The following AIG1 variants were observed in gnomAD, a reference collection of about 807,000 sequenced individuals.
AIG1 encodes androgen-induced gene 1 protein.
Under a neutral mutation model 31.4 loss-of-function variants are expected in AIG1, and 23 were observed. The observed-to-expected ratio is 0.73, with a 90% CI of 0.53 to 1.04. AIG1 has a LOEUF of 1.04. AIG1 is among the 50% of genes least tolerant of loss of function. The pLI, the probability that AIG1 is intolerant of heterozygous loss-of-function variation, is 0.00. For synonymous variants in AIG1, 100 were observed against 110.5 expected (o/e 0.90, Z 0.60); for missense variants, 274 against 295.0 (o/e 0.93, Z 0.52).
At chr6:143,223,999 G>A (rs958437005) in intron 3 of AIG1, among the ~76,000 whole-genome samples, 9 of 151,968 alleles carry the variant, frequency 5.9e-5, no homozygotes, top group Admixed American at 2.0e-4. Context: ...TCCTCCTCCC[G>A]AACGTCTCCT....
At chr6:143,094,397 A>G (rs938163055) in intron 1 of AIG1, 8 of 152,206 alleles carry the variant, frequency 5.3e-5, no homozygotes, top group African/African-American at 1.7e-4. Flanking sequence ...GATGTAATAT[A>G]CACAAATAAA....
chr6:143,278,973 A>G (rs1299510942), intron 3 of AIG1, among the ~76,000 whole-genome samples: 1 of 152,092 alleles, frequency 6.6e-6, no homozygotes, highest in Non-Finnish European at 1.5e-5. Flanking sequence ...TTTAAGAAAA[A>G]TGTGAGTGAA....
chr6:143,091,893 A>G (rs1191340074), intron 1 of AIG1, among the ~76,000 whole-genome samples: 1 of 152,188 alleles, frequency 6.6e-6, no homozygotes, highest in Non-Finnish European at 1.5e-5. Flanking sequence ...CCTCTATAAA[A>G]TAGTAAATTC....
chr6:143,128,837 T>C (rs1484335643), intron 1 of AIG1, among the ~76,000 whole-genome samples: 2 of 152,232 alleles, frequency 1.3e-5, no homozygotes, highest in African/African-American at 4.8e-5. Flanking sequence ...AAACTGCTTC[T>C]TAAATAAGCA....
At chr6:143,158,976 A>T (rs967943436) in intron 2 of AIG1, among the ~76,000 whole-genome samples, 3 of 152,232 alleles carry the variant, frequency 2.0e-5, no homozygotes, top group Non-Finnish European at 4.4e-5. Flanking sequence ...ACTTTCTCAT[A>T]GAAGAGCCAC....
chr6:143,060,837 G>A (rs1776167003), upstream of AIG1: 2 of 712,846 alleles, frequency 2.8e-6, no homozygotes, highest in African/African-American at 2.6e-5. Context: ...GCCCGCGCCC[G>A]GGTTCCCACG....
intron 1 of AIG1, among the ~76,000 whole-genome samples, chr6:143,064,928 G>A (rs968641995): frequency 6.6e-6 from 1 of 152,216 alleles, no homozygotes; most frequent in East Asian, 1.9e-4. Flanking sequence ...GGGAGATGGG[G>A]AAGGGGTTGC....
At chr6:143,229,670 A>G (rs1482850816) in intron 3 of AIG1, among the ~76,000 whole-genome samples, 2 of 151,332 alleles carry the variant, frequency 1.3e-5, no homozygotes, top group African/African-American at 2.4e-5. Context: ...TACCATCCCC[A>G]CAGACCACAC....
At position 143,326,032 on chromosome 6, in the gene AIG1, C is replaced by T. The variant is rs1776580922; in HGVS notation, c.516-7250C>T. 6.6e-6 allele frequency among the ~76,000 whole-genome samples: 1 copy of T among 152,194 alleles called. No homozygotes were observed. On this transcript the variant is annotated intron_variant, in intron 4 of 5. Coordinates refer to ENST00000357847, the MANE Select transcript of AIG1 (RefSeq NM_016108.4). The surrounding 1 kb of genome is among the most constrained non-coding windows in gnomAD (Gnocchi z 4.5). ...TCTCCAGCACGCCACACTCATGACT[C>T]AACAGTTTGATAGACACTGGTCTAA...
chr6:143,209,290 G>A (rs2128613664), intron 3 of AIG1, among the ~76,000 whole-genome samples: 1 of 152,312 alleles, frequency 6.6e-6, no homozygotes, highest in East Asian at 1.9e-4. Context: ...ATTGTGGTAG[G>A]CAGACTCATG....
At chr6:143,183,083 A>G (rs919964064) in intron 3 of AIG1, among the ~76,000 whole-genome samples, 14 of 152,222 alleles carry the variant, frequency 9.2e-5, no homozygotes, top group Non-Finnish European at 1.6e-4. Context: ...ATTCCAGAAC[A>G]CTGCAGAGCT....
At chr6:143,134,088 C>T (rs1316950322) in intron 1 of AIG1, among the ~76,000 whole-genome samples, 2 of 151,968 alleles carry the variant, frequency 1.3e-5, no homozygotes, top group Non-Finnish European at 2.9e-5. Flanking sequence ...AGAATAAAAA[C>T]CACTCTCTTT....
At chr6:143,251,727 C>T (rs908888394) in intron 3 of AIG1, among the ~76,000 whole-genome samples, 4 of 152,208 alleles carry the variant, frequency 2.6e-5, no homozygotes, top group Non-Finnish European at 5.9e-5. Flanking sequence ...TGCAACTTTT[C>T]TGGCCATTTT....
At position 143,327,473 on chromosome 6, in the gene AIG1, A is replaced by T. The variant is rs1776704101; in HGVS notation, c.516-5809A>T. On this transcript the variant is annotated intron_variant, in intron 4 of 5. Transcript: ENST00000357847. This position sits in a 1 kb window ranked among gnomAD's most constrained non-coding sequence, Gnocchi z 5.3. ...GGGAACTCCAGATTTGCGCATTGAT[A>T]CCAGGCCCAACAAAACTGTCTGGGC... is the stretch of plus-strand genomic sequence containing the variant. 2.5e-6 allele frequency: 1 copy of T among 398,196 alleles called. No individual in the cohort carries two copies. Among genetic ancestry groups the T allele is most frequent in the Non-Finnish European group, 4.8e-6 (1 of 206,526 alleles). 24.7% of individuals were successfully genotyped at this position (398,196 alleles called of 1,614,324 possible).
chr6:143,338,493 A>G lies in AIG1; in HGVS notation c.680-1146A>G, dbSNP rs1777673254. On this transcript the variant is annotated intron_variant, in intron 5 of 5. Transcript: ENST00000357847. The surrounding 1 kb of genome is among the most constrained non-coding windows in gnomAD (Gnocchi z 4.3). ...CACCACTACTCTGACAGCACAAAAC[A>G]TATACCAGGAGCTGGGGTTATGTGG... 1 of 152,674 alleles carries G rather than the reference A, an allele frequency of 6.5e-6. No homozygotes were observed. The highest frequency in any genetic ancestry group is 6.5e-5 in the Admixed American group (1 of 15,298). 9.5% of individuals were successfully genotyped at this position (152,674 alleles called of 1,614,324 possible).
intron 4 of AIG1, among the ~76,000 whole-genome samples, chr6:143,295,985 G>C (rs1798397663): frequency 6.6e-6 from 1 of 152,048 alleles, no homozygotes; most frequent in South Asian, 2.1e-4. Context: ...TTCTAAGATA[G>C]ACTTTAATAA....
Position 143,339,743 on chromosome 6 carries a change from C to T in AIG1, c.*67C>T, listed in dbSNP as rs1777773783. On this transcript the variant is annotated 3_prime_UTR_variant, in exon 6 of 6. Coordinates refer to ENST00000357847, the MANE Select transcript of AIG1 (RefSeq NM_016108.4). ...AAGACTCCTTCCCCTCGGGCATTGG[C>T]AGTGGGGGAGAAAAGGCTTCAAAGG... 2 of 1,559,080 alleles carry T rather than the reference C, an allele frequency of 1.3e-6. No homozygotes were observed. The highest frequency in any genetic ancestry group is 1.8e-6 in the Non-Finnish European group (2 of 1,141,272).
intron 3 of AIG1, among the ~76,000 whole-genome samples, chr6:143,166,203 G>T (rs574688407): frequency 1.3e-5 from 2 of 152,270 alleles, no homozygotes; most frequent in African/African-American, 4.8e-5. Context: ...ACATCTCAGA[G>T]AATTGGATTT....
At chr6:143,155,567 C>A (rs1287680528) in intron 2 of AIG1, among the ~76,000 whole-genome samples, 1 of 151,996 alleles carries the variant, frequency 6.6e-6, no homozygotes. Context: ...GTGTTACAAG[C>A]ACAGTGTTGT....
Sources: gnomAD v4.1 joint callset for allele counts (sites outside exome capture counted in the v4.1 genomes callset) on GRCh38, gnomAD v4.1.1 for gene constraint, Gnocchi (gnomAD v3.1) non-coding constraint, MANE v1.5 for transcripts, NCBI Gene and HGNC (gene_info 2026-07-23, HGNC 2026-07-21) for gene names.